MEX3C: variants seen among roughly 807,000 people sequenced by gnomAD.
MEX3C encodes the protein mex-3 RNA binding family member C.
In MEX3C, 15 loss-of-function variants were observed where a neutral mutation model predicts 35.5. The observed-to-expected ratio is 0.42, with a 90% confidence interval of 0.28 to 0.65. The LOEUF (loss-of-function observed/expected upper bound fraction) is 0.65. Ranked by LOEUF, MEX3C falls within the 30% of genes least tolerant of loss-of-function variation. The probability of loss-of-function intolerance (pLI) is 0.20; values close to 1 mark genes in which losing one functional copy is unlikely to be tolerated. For synonymous variants in MEX3C, 390 were observed against 352.8 expected, an observed-to-expected ratio of 1.11 and a Z score of -1.18; for missense variants, 711 against 842.8, an observed-to-expected ratio of 0.84 and a Z score of 1.94.
At chr18:51,184,038 G>A (rs1912483346) in intron 1 of MEX3C, among the ~76,000 whole-genome samples, 2 of 151,890 alleles carry the variant, frequency 1.3e-5, no homozygotes, top group Admixed American at 6.6e-5. Flanking sequence ...TGACTCAGAA[G>A]AGAAGTCAGA....
intron 1 of MEX3C, among the ~76,000 whole-genome samples, chr18:51,179,287 C>T (rs896542722): frequency 1.3e-5 from 2 of 152,252 alleles, no homozygotes; most frequent in East Asian, 1.9e-4. Context: ...CAGGCGGGAG[C>T]CACCGCACCT....
intron 1 of MEX3C, among the ~76,000 whole-genome samples, chr18:51,181,246 AC>A (rs1439138774): frequency 6.6e-6 from 1 of 152,152 alleles, no homozygotes; most frequent in Non-Finnish European, 1.5e-5. Flanking sequence ...AAGTAAAAAA[AC>A]CTAAAATATT....
intron 1 of MEX3C, among the ~76,000 whole-genome samples, chr18:51,188,530 G>A (rs1367608438): frequency 1.3e-5 from 2 of 151,756 alleles, no homozygotes; most frequent in Admixed American, 6.6e-5. Context: ...CCTGGGAGGC[G>A]GAGGTTGCAA....
chr18:51,182,192 G>A (rs1234595640), intron 1 of MEX3C, among the ~76,000 whole-genome samples: 1 of 152,102 alleles, frequency 6.6e-6, no homozygotes, highest in Non-Finnish European at 1.5e-5. Flanking sequence ...GTTATCACAG[G>A]TATGTACATA....
chr18:51,188,548 A>C (rs1912587014), intron 1 of MEX3C, among the ~76,000 whole-genome samples: 1 of 151,486 alleles, frequency 6.6e-6, no homozygotes, highest in Non-Finnish European at 1.5e-5. Context: ...CAATGAGCTG[A>C]GATTGCTCTA....
chr18:51,180,169 G>A (rs11664920), intron 1 of MEX3C, among the ~76,000 whole-genome samples: 18,520 of 152,114 alleles, frequency 0.12, 1,497 homozygotes, highest in African/African-American at 0.23. Context: ...AAATACTTTT[G>A]ATACTATAAG....
Position 51,196,781 on chromosome 18 carries a change from C to T in MEX3C, c.540G>A (p.Ala180=), listed in dbSNP as rs944480960. 1.9e-6 allele frequency: 1 copy of T among 525,552 alleles called. No individual in the cohort carries two copies. The highest frequency in any genetic ancestry group is 2.2e-5 in the African/African-American group (1 of 46,298). The allele number at this position is 525,552 out of a possible 1,614,324, so 32.6% of individuals were successfully genotyped here. A position where few individuals can be genotyped will look rare whatever the true frequency, so the allele number is the denominator to read the frequency against. Residue 180 remains alanine, a synonymous_variant, in exon 1 of 2, where the codon GCG becomes GCA. Coordinates refer to ENST00000406189, the MANE Select transcript of MEX3C (RefSeq NM_016626.5). ...ARFDAREAAA[A]AAAAGVLYGG... ...CGTACAGCACCCCCGCCGCCGCCGC[C>T]GCGGCCGCCGCCTCCCGGGCATCGA...
intron 1 of MEX3C, among the ~76,000 whole-genome samples, chr18:51,191,773 A>G (rs1912654260): frequency 6.6e-6 from 1 of 152,152 alleles, no homozygotes; most frequent in Admixed American, 6.6e-5. Context: ...CAGGTGCAAA[A>G]GAGGAATCTG....
At chr18:51,188,633 A>C (rs1353569209) in intron 1 of MEX3C, among the ~76,000 whole-genome samples, 2 of 152,144 alleles carry the variant, frequency 1.3e-5, no homozygotes, top group African/African-American at 4.8e-5. Context: ...GCTGGGAATA[A>C]AGGCAAGAGG....
chr18:51,184,044 T>A (rs1912483470), intron 1 of MEX3C, among the ~76,000 whole-genome samples: 1 of 151,894 alleles, frequency 6.6e-6, no homozygotes, highest in Non-Finnish European at 1.5e-5. Context: ...AGAAGAGAAG[T>A]CAGAGAGATG....
rs376958971 is a variant in MEX3C, at chr18:51,182,029, C to T, written c.755-4453G>A. Among the ~76,000 whole-genome samples, 74 of 152,238 alleles carry T rather than the reference C, an allele frequency of 4.9e-4. 1 individual carries two copies. In the South Asian group the frequency reaches 0.015, roughly 30 times the overall value. On this transcript the variant is annotated intron_variant, in intron 1 of 1. Transcript: ENST00000406189. The stretch of plus-strand genomic sequence containing the variant: ...TATCATTTCAGCTCCTTTCAGTCAA[C>T]CATAGTCCAAATGCAGGTGGGTACA...
chr18:51,178,089 C>T (rs3813093), intron 1 of MEX3C, among the ~76,000 whole-genome samples: 21,144 of 151,606 alleles, frequency 0.14, 2,159 homozygotes, highest in African/African-American at 0.29. Context: ...AAAGCTGCTA[C>T]TGAATTATGA....
rs1912340490 is a variant in MEX3C at position 51,177,986 on chromosome 18, G to A, written c.755-410C>T. 4.6e-5 allele frequency among the ~76,000 whole-genome samples: 7 copies of A among 152,148 alleles called. No individual in the cohort carries two copies. Among genetic ancestry groups the A allele is most frequent in the Admixed American group, 3.3e-4 (5 of 15,284 alleles). Reference sequence around the variant, plus strand: ...AGTTTTGTTTATTCCCATGTTGTTTGTGGTAGGTGTACTCACGCTAGTAAC... The same window carrying A: ...AGTTTTGTTTATTCCCATGTTGTTTATGGTAGGTGTACTCACGCTAGTAAC... On this transcript the variant is annotated intron_variant, in intron 1 of 1. Coordinates refer to ENST00000406189, the MANE Select transcript of MEX3C (RefSeq NM_016626.5). This position sits in a 1 kb window ranked among gnomAD's most constrained non-coding sequence, Gnocchi z 4.2.
chr18:51,196,230 C>G (rs1347297559), intron 1 of MEX3C: 1 of 400,754 alleles, frequency 2.5e-6, no homozygotes, highest in East Asian at 5.7e-5. Flanking sequence ...AGCGAACCCA[C>G]AACTCCTCGA....
At position 51,177,251 on chromosome 18, in the gene MEX3C, T is replaced by C; in HGVS notation, c.1080A>G (p.Ile360Met). ...KRIQQQTHTY[I>M]VTPSRDKEPV... ...GTTCCTTATCTCTGCTCGGAGTTAC[T>C]ATGTAGGTGTGGGTCTGCTGCTGAA... Residue 360 changes from isoleucine (I) to methionine (M), a missense_variant, in exon 2 of 2, where the codon ATA (isoleucine) becomes ATG (methionine). By Grantham distance (10) the Ile-to-Met change is conservative (BLOSUM62 1). Coordinates refer to ENST00000406189, the MANE Select transcript of MEX3C (RefSeq NM_016626.5). This position sits in a 1 kb window ranked among gnomAD's most constrained non-coding sequence, Gnocchi z 4.2. The C allele has an allele frequency of 6.2e-7, 1 of 1,614,012 alleles. No individual in the cohort carries two copies. Among genetic ancestry groups the C allele is most frequent in the Non-Finnish European group, 8.5e-7 (1 of 1,179,892 alleles).
At chr18:51,180,856 T>C (rs1004643163) in intron 1 of MEX3C, among the ~76,000 whole-genome samples, 1 of 152,218 alleles carries the variant, frequency 6.6e-6, no homozygotes, top group African/African-American at 2.4e-5. Flanking sequence ...CTTTTGATTA[T>C]AGTATCCTAA....
intron 1 of MEX3C, among the ~76,000 whole-genome samples, chr18:51,187,533 T>C (rs1404743524): frequency 6.6e-6 from 1 of 152,214 alleles, no homozygotes; most frequent in South Asian, 2.1e-4. Flanking sequence ...TATTAAGTGC[T>C]TAGCCCAAGT....
chr18:51,184,478 G>A (rs1344143443), intron 1 of MEX3C, among the ~76,000 whole-genome samples: 1 of 152,142 alleles, frequency 6.6e-6, no homozygotes, highest in Non-Finnish European at 1.5e-5. Context: ...TGCCCCAAGA[G>A]AGGAGAGACT....
At position 51,176,194 on chromosome 18, in the gene MEX3C, A is replaced by G; in HGVS notation, c.*157T>C. ...GACCACTTAGGTTTAGTGTTACCATAGCAGCCTTTTATAAGTTTACTAACA... is the reference window on the plus strand; with the variant it reads ...GACCACTTAGGTTTAGTGTTACCATGGCAGCCTTTTATAAGTTTACTAACA... On this transcript the variant is annotated 3_prime_UTR_variant, in exon 2 of 2. Coordinates refer to ENST00000406189, the MANE Select transcript of MEX3C (RefSeq NM_016626.5). The G allele has an allele frequency of 1.4e-6, 1 of 704,412 alleles. No individual in the cohort carries two copies. The highest frequency in any genetic ancestry group is 2.8e-5 in the East Asian group (1 of 35,698). The allele number at this position is 704,412 out of a possible 1,614,324, so 43.6% of individuals were successfully genotyped here.
Sources: allele counts gnomAD v4.1 joint callset (sites outside exome capture counted in the v4.1 genomes callset), GRCh38; gene constraint gnomAD v4.1.1; non-coding constraint Gnocchi (gnomAD v3.1); transcripts MANE v1.5; gene names NCBI Gene and HGNC (gene_info 2026-07-23, HGNC 2026-07-21).